Variants in TFRC observed in about 807,000 individuals in gnomAD.
TFRC encodes transferrin receptor, also known as transferrin receptor protein 1.
A neutral mutation model predicts 85.8 loss-of-function variants in TFRC; 35 were observed. The ratio of observed to expected loss-of-function variants is 0.41; its 90% confidence interval spans 0.31 to 0.54. The LOEUF (loss-of-function observed/expected upper bound fraction) is 0.54. Among genes scored for constraint, TFRC ranks in the 20% least tolerant of loss-of-function variants. The pLI is 0.31. For missense variants in TFRC, 828 were observed against 921.5 expected, an observed-to-expected ratio of 0.90 and a Z score of 1.31; for synonymous variants, 362 against 328.6, an observed-to-expected ratio of 1.10 and a Z score of -1.10.
intron 7 of TFRC, 48 bp downstream of exon 7, chr3:196,069,407 T>C (rs761302732): frequency 5.4e-6 from 6 of 1,114,624 alleles, no homozygotes; most frequent in Non-Finnish European, 6.6e-6. Context: ...ACCTGAAGAG[T>C]AAGATACCAA....
Position 196,075,190 on chromosome 3 carries a change from C to T in TFRC, c.207G>A (p.Gly69=). 1 of 1,614,182 alleles carries T rather than the reference C, an allele frequency of 6.2e-7. No homozygotes were observed. The highest frequency in any genetic ancestry group is 2.2e-5 in the East Asian group (1 of 44,890). The change falls in exon 3 of 19, where the codon GGG becomes GGA. Residue 69 remains glycine (G), a synonymous_variant. Transcript: ENST00000360110. ...AGAAAAAGACGATCACAGCAATAGTCCCATAGCAGATACTTCCACTACACC... is the reference window on the plus strand; with the variant it reads ...AGAAAAAGACGATCACAGCAATAGTTCCATAGCAGATACTTCCACTACACC... The part of the protein sequence containing the change: ...PKRCSGSICY[G]TIAVIVFFLI...
intron 6 of TFRC, among the ~76,000 whole-genome samples, chr3:196,070,462 T>C (rs1193219313): frequency 6.6e-6 from 1 of 151,986 alleles, no homozygotes; most frequent in Non-Finnish European, 1.5e-5. Flanking sequence ...TTCACCATGT[T>C]GGCCAGGCTG....
At chr3:196,064,535 G>GCTCTTTTATCCTTA in intron 10 of TFRC, 107 bp from the exon 11 acceptor site, 1 of 990,792 alleles carries the variant, frequency 1.0e-6, no homozygotes, top group Non-Finnish European at 1.3e-6. Context: ...ATGTATTAAG[G>GCTCTTTTATCCTTA]ATAAAAGAGC....
intron 1 of TFRC, among the ~76,000 whole-genome samples, chr3:196,081,336 T>C (rs1719154495): frequency 6.6e-6 from 1 of 152,240 alleles, no homozygotes; most frequent in South Asian, 2.1e-4. Flanking sequence ...AGGCAGAGCA[T>C]GGCAAGATCA....
At chr3:196,063,356 AT>A (rs41295891) in intron 11 of TFRC, 2,240 of 153,256 alleles carry the variant, frequency 0.015, 29 homozygotes, top group Non-Finnish European at 0.025. Context: ...TTTTAAAAAA[AT>A]AATTCTAAAA....
chr3:196,058,575 C>T lies in TFRC; in HGVS notation c.1594G>A (p.Val532Ile), dbSNP rs984383830. The T allele has an allele frequency of 1.9e-6, 3 of 1,610,872 alleles. No homozygotes were observed. Among genetic ancestry groups the T allele is most frequent in the Non-Finnish European group, 2.5e-6 (3 of 1,178,996 alleles). Residue 532 changes from valine to isoleucine, a missense_variant and splice_region_variant, in exon 15 of 19, where the codon GTT (valine) becomes ATT (isoleucine). Transcript: ENST00000360110. Reference sequence around the variant, plus strand: ...GTTCATTCACTTTTCTCAACTTACACTTTGCTGGCCCAGTTGCTGTCCTGA... The same window carrying T: ...GTTCATTCACTTTTCTCAACTTACATTTTGCTGGCCCAGTTGCTGTCCTGA... ...LYQDSNWASK[V>I]EKLTLDNAAF...
intron 6 of TFRC, among the ~76,000 whole-genome samples, chr3:196,070,809 A>ATAATAAT (rs1553797739): frequency 7.7e-6 from 1 of 130,642 alleles, no homozygotes; most frequent in Admixed American, 7.6e-5. Context: ...AATAATAATA[A>ATAATAAT]AATAAAAAAT....
At chr3:196,075,067 TAA>T in intron 3 of TFRC, 90 bp downstream of exon 3, 17 of 498,604 alleles carry the variant, frequency 3.4e-5, no homozygotes, top group Non-Finnish European at 5.0e-5. Context: ...AAAAAAAAAA[TAA>T]GGTACAAAAT....
At position 196,065,423 on chromosome 3, in the gene TFRC, G is replaced by GGGGC; in HGVS notation, c.1198+19_1198+20insGCCC. On this transcript the variant is annotated intron_variant, in intron 10 of 18. Coordinates refer to ENST00000360110, the MANE Select transcript of TFRC (RefSeq NM_001128148.3). ...AAACAAAAAAAAAGCGGGGCGGGGG[G>GGGGC]GGGGGGGGGCGGTCTTTACCTGGTT... The GGGGC allele has an allele frequency of 1.4e-6, 1 of 700,200 alleles. No homozygotes were observed. Among genetic ancestry groups the GGGGC allele is most frequent in the Non-Finnish European group, 1.9e-6 (1 of 519,878 alleles). The allele number at this position is 700,200 out of a possible 1,614,324, so 43.4% of individuals were successfully genotyped here. A position where few individuals can be genotyped will look rare whatever the true frequency, so the allele number is the denominator to read the frequency against.
Position 196,049,657 on chromosome 3 carries a change from T to G in TFRC, c.*2285A>C, listed in dbSNP as rs1458464029. On this transcript the variant is annotated 3_prime_UTR_variant, in exon 19 of 19. Transcript: ENST00000360110. ...TCTGAAGAGACTCACTGCTGCAAAA[T>G]GCATGCCCTGTATTCATATTGTGTT... The G allele has an allele frequency of 8.8e-6, 2 of 228,348 alleles. No homozygotes were observed. The highest frequency in any genetic ancestry group is 2.2e-5 in the African/African-American group (1 of 45,076). The allele number at this position is 228,348 out of a possible 1,614,324, so 14.1% of individuals were successfully genotyped here.
chr3:196,072,318 A>G (rs756722787), intron 4 of TFRC, among the ~76,000 whole-genome samples, 166 bp from the exon 5 acceptor site: 1 of 152,228 alleles, frequency 6.6e-6, no homozygotes, highest in Non-Finnish European at 1.5e-5. Flanking sequence ...ACAAAAGAAA[A>G]AAAATTTTGC....
At chr3:196,063,771 GC>G (rs1217817654) in intron 11 of TFRC, among the ~76,000 whole-genome samples, 1 of 151,986 alleles carries the variant, frequency 6.6e-6, no homozygotes, top group Admixed American at 6.6e-5. Context: ...ACAAAAATTG[GC>G]CGGGTGTGGT....
At chr3:196,052,911 G>A (rs1035177426) in intron 18 of TFRC, among the ~76,000 whole-genome samples, 1 of 151,986 alleles carries the variant, frequency 6.6e-6, no homozygotes, top group Non-Finnish European at 1.5e-5. Flanking sequence ...TTGGGAGTTC[G>A]AGACCGGCCT....
rs750159888 is a variant in TFRC, at chr3:196,060,244, G to T, written c.1472C>A (p.Thr491Asn). ...GCTGGCAGAAACCTTGAAGTTGCTG[G>T]TACCTGAAAATAAATTGTTTTATCA... ...YINLDKAVLG[T>N]SNFKVSASPL... is the part of the protein sequence containing the mutation. The change falls in exon 14 of 19, where the codon ACC becomes AAC. Residue 491 changes from threonine to asparagine, a missense_variant. Coordinates refer to ENST00000360110, the MANE Select transcript of TFRC (RefSeq NM_001128148.3). 1.9e-6 allele frequency: 3 copies of T among 1,613,788 alleles called. No individual in the cohort carries two copies. Among genetic ancestry groups the T allele is most frequent in the Non-Finnish European group, 2.5e-6 (3 of 1,179,832 alleles).
In TFRC at chr3:196,068,054, G is replaced by A. The variant is rs1371596685; in HGVS notation, c.878C>T (p.Ala293Val). 4 of 1,613,056 alleles carry A rather than the reference G, an allele frequency of 2.5e-6. No individual in the cohort carries two copies. Among genetic ancestry groups the A allele is most frequent in the Non-Finnish European group, 1.7e-6 (2 of 1,179,676 alleles). The change falls in exon 8 of 19, where the codon GCA becomes GTA. Residue 293 changes from alanine (A) to valine (V), a missense_variant. By Grantham distance (64) the Ala-to-Val change is moderately conservative. Coordinates refer to ENST00000360110, the MANE Select transcript of TFRC (RefSeq NM_001128148.3). ...MDQTKFPIVN[A>V]ELSFFGHAHL... is the part of the protein sequence containing the mutation. ...CACATGTCCAAAGAATGAAAGTTCT[G>A]CGTTAACAATGGGAAATTTAGTCTG...
At chr3:196,055,984 C>T (rs959273094) in intron 16 of TFRC, among the ~76,000 whole-genome samples, 2 of 150,804 alleles carry the variant, frequency 1.3e-5, no homozygotes, top group African/African-American at 2.4e-5. Context: ...CTCCCCGCAG[C>T]CTTGAGACGA....
chr3:196,075,051 A>T (rs1051135375), intron 3 of TFRC, 108 bp downstream of exon 3: 4 of 875,484 alleles, frequency 4.6e-6, no homozygotes, highest in Non-Finnish European at 5.0e-6. Context: ...GTCTCCAAAA[A>T]AAAAAAAAAA....
intron 3 of TFRC, 113 bp downstream of exon 3, chr3:196,075,046 C>CAAAA (rs56119775): frequency 1.9e-4 from 102 of 535,150 alleles, no homozygotes; most frequent in Non-Finnish European, 2.4e-4. Flanking sequence ...CCTCTGTCTC[C>CAAAA]AAAAAAAAAA....
chr3:196,060,737 G>C (rs185253206), intron 13 of TFRC: 207 of 139,694 alleles, frequency 1.5e-3, no homozygotes, highest in Non-Finnish European at 5.6e-4. Context: ...GGCGGAGCTT[G>C]CAGTGAGCTG....
Sources: allele counts gnomAD v4.1 joint callset (sites outside exome capture counted in the v4.1 genomes callset), GRCh38; gene constraint gnomAD v4.1.1; transcripts MANE v1.5; gene names NCBI Gene and HGNC (gene_info 2026-07-23, HGNC 2026-07-21).